The following PTN variants were observed in gnomAD, a reference collection of about 807,000 sequenced individuals.
PTN encodes pleiotrophin.
PTN carries 18 observed loss-of-function variants against 24.1 expected under a neutral mutation model. The ratio of observed to expected loss-of-function variants is 0.75; its 90% confidence interval spans 0.52 to 1.11. PTN has a LOEUF of 1.11. Among genes scored for constraint, PTN ranks in the 50% least tolerant of loss-of-function variants. The pLI, the probability that PTN is intolerant of heterozygous loss-of-function variation, is 0.00. For missense variants in PTN, 163 were observed against 198.8 expected (o/e 0.82, Z 1.08); for synonymous variants, 78 against 68.6 (o/e 1.14, Z -0.67).
At chr7:137,328,350 GA>G (rs1413070345) in intron 1 of PTN, among the ~76,000 whole-genome samples, 7 of 152,152 alleles carry the variant, frequency 4.6e-5, no homozygotes, top group Non-Finnish European at 1.0e-4. Flanking sequence ...TCATGTAAAG[GA>G]ATGACCTATC....
At chr7:137,243,946 C>T (rs1221715284) in intron 4 of PTN, among the ~76,000 whole-genome samples, 2 of 152,176 alleles carry the variant, frequency 1.3e-5, no homozygotes, top group Non-Finnish European at 2.9e-5. Context: ...GGCATCCAAG[C>T]GAGATCTTTG....
intron 4 of PTN, among the ~76,000 whole-genome samples, chr7:137,240,343 A>G (rs1326101876): frequency 6.6e-6 from 1 of 152,122 alleles, no homozygotes; most frequent in Non-Finnish European, 1.5e-5. Flanking sequence ...ACATGAATAC[A>G]TTAGAAACAA....
intron 1 of PTN, among the ~76,000 whole-genome samples, chr7:137,324,433 A>AAAAAAAAAAAAAAAAAATAAATAT: frequency 1.1e-5 from 1 of 88,804 alleles, no homozygotes; most frequent in African/African-American, 6.9e-5. Flanking sequence ...AAAAAAAAAA[A>AAAAAAAAAAAAAAAAAATAAATAT]ATATATATAT....
chr7:137,292,070 G>C (rs923696293), intron 1 of PTN, among the ~76,000 whole-genome samples: 1 of 152,072 alleles, frequency 6.6e-6, no homozygotes, highest in African/African-American at 2.4e-5. Context: ...TGCCTGCCCT[G>C]AACCAATAAA....
intron 4 of PTN, among the ~76,000 whole-genome samples, chr7:137,238,586 A>G (rs1808565080): frequency 6.6e-6 from 1 of 152,172 alleles, no homozygotes; most frequent in Non-Finnish European, 1.5e-5. Flanking sequence ...ACCTAAAGAG[A>G]TCCGGCAGTG....
At chr7:137,321,345 A>G (rs1200097598) in intron 1 of PTN, among the ~76,000 whole-genome samples, 1 of 152,168 alleles carries the variant, frequency 6.6e-6, no homozygotes, top group African/African-American at 2.4e-5. Context: ...TATGGTTTGC[A>G]TCTTTCTTTG....
chr7:137,241,576 A>AT (rs1808628635), intron 4 of PTN, among the ~76,000 whole-genome samples: 1 of 152,112 alleles, frequency 6.6e-6, no homozygotes, highest in Non-Finnish European at 1.5e-5. Context: ...ACAGTGCTTC[A>AT]TTTTGTCTTT....
intron 1 of PTN, among the ~76,000 whole-genome samples, chr7:137,263,407 C>T (rs746259701): frequency 6.6e-6 from 1 of 152,194 alleles, no homozygotes; most frequent in Non-Finnish European, 1.5e-5. Flanking sequence ...TTCTTATAGA[C>T]CTCTCTTTCA....
chr7:137,237,243 C>A (rs775428344), intron 4 of PTN, among the ~76,000 whole-genome samples: 9 of 152,024 alleles, frequency 5.9e-5, no homozygotes, highest in African/African-American at 7.2e-5. Flanking sequence ...AACACAGACA[C>A]ATATAGTGAG....
intron 1 of PTN, among the ~76,000 whole-genome samples, chr7:137,299,890 G>GC (rs1220615891): frequency 6.6e-6 from 1 of 151,856 alleles, no homozygotes; most frequent in Non-Finnish European, 1.5e-5. Context: ...CATTCAAAAG[G>GC]CCAGGGAAGA....
chr7:137,316,917 G>A (rs191472472), intron 1 of PTN, among the ~76,000 whole-genome samples: 5 of 152,290 alleles, frequency 3.3e-5, no homozygotes, highest in Admixed American at 2.6e-4. Context: ...CCACCCCTCG[G>A]TGCTGGAGTT....
Position 137,227,503 on chromosome 7 carries a change from C to T in PTN, c.*517G>A, listed in dbSNP as rs1808353314. ...AAAGTCAACATTGAACTAGGACATG[C>T]TCTGCTTCCCCACCCCCATTTTGCT... On this transcript the variant is annotated 3_prime_UTR_variant, in exon 5 of 5. Coordinates refer to ENST00000348225, the MANE Select transcript of PTN (RefSeq NM_002825.7). The T allele has an allele frequency of 6.7e-6, 1 of 150,214 alleles. No homozygotes were observed. The highest frequency in any genetic ancestry group is 2.1e-4 in the South Asian group (1 of 4,774). 9.3% of individuals were successfully genotyped at this position (150,214 alleles called of 1,614,324 possible).
intron 1 of PTN, among the ~76,000 whole-genome samples, chr7:137,269,424 C>T (rs550365953): frequency 1.3e-5 from 2 of 152,056 alleles, no homozygotes; most frequent in Non-Finnish European, 2.9e-5. Context: ...TTTGGGTTCT[C>T]CCCCTGTCAG....
intron 4 of PTN, among the ~76,000 whole-genome samples, chr7:137,240,674 T>C (rs1190713104): frequency 6.6e-6 from 1 of 152,152 alleles, no homozygotes; most frequent in African/African-American, 2.4e-5. Flanking sequence ...GCAAAGTTTG[T>C]AAGCAATGTC....
At chr7:137,246,019 A>C (rs910450132) in intron 4 of PTN, among the ~76,000 whole-genome samples, 1 of 152,176 alleles carries the variant, frequency 6.6e-6, no homozygotes, top group South Asian at 2.1e-4. Flanking sequence ...CTTCTCATAA[A>C]TTTAGTGTAG....
intron 1 of PTN, among the ~76,000 whole-genome samples, chr7:137,305,682 C>T (rs146596656): frequency 2.0e-5 from 3 of 152,070 alleles, no homozygotes; most frequent in African/African-American, 7.2e-5. Flanking sequence ...TAAGAAAATG[C>T]ATGAAGAAAA....
chr7:137,232,459 G>GT (rs1180977745), intron 4 of PTN, among the ~76,000 whole-genome samples: 3 of 151,866 alleles, frequency 2.0e-5, no homozygotes, highest in African/African-American at 7.3e-5. Flanking sequence ...TTTGTGGGGG[G>GT]TTTTTAAATA....
At chr7:137,292,802 C>T (rs1169171203) in intron 1 of PTN, among the ~76,000 whole-genome samples, 1 of 152,124 alleles carries the variant, frequency 6.6e-6, no homozygotes, top group Admixed American at 6.5e-5. Flanking sequence ...GCTGAATCCA[C>T]ACATGTGGGA....
At chr7:137,314,610 T>TC (rs1414225957) in intron 1 of PTN, among the ~76,000 whole-genome samples, 2 of 126,072 alleles carry the variant, frequency 1.6e-5, no homozygotes, top group African/African-American at 3.0e-5. Context: ...TTTTTTTTTT[T>TC]TTTAGAGAGT....
Sources: gnomAD v4.1 joint callset for allele counts (sites outside exome capture counted in the v4.1 genomes callset) on GRCh38, gnomAD v4.1.1 for gene constraint, MANE v1.5 for transcripts, NCBI Gene and HGNC (gene_info 2026-07-23, HGNC 2026-07-21) for gene names.